The following ZNF106 variants were observed in gnomAD, a reference collection of about 807,000 sequenced individuals.
ZNF106 encodes zinc finger protein 106.
ZNF106 carries 67 observed loss-of-function variants against 195.1 expected under a neutral mutation model. The ratio of observed to expected loss-of-function variants is 0.34; its 90% CI spans 0.28 to 0.42. ZNF106 has a LOEUF of 0.42. Ranked by LOEUF, ZNF106 falls within the 10% of genes least tolerant of loss-of-function variation. The pLI is 1.00. For synonymous variants in ZNF106, 784 were observed against 818.6 expected (o/e 0.96, Z 0.72); for missense variants, 2,118 against 2,304.5 (o/e 0.92, Z 1.66).
chr15:42,417,220 A>G lies in ZNF106; in HGVS notation c.*84T>C. ...CACTTTCTCCTTCCTTACTTCACCA[A>G]GAAAGGGAAGAGAGTGGCCTGTGTG... On this transcript the variant is annotated 3_prime_UTR_variant, in exon 22 of 22. Coordinates refer to ENST00000564754, the MANE Select transcript of ZNF106 (RefSeq NM_001366845.3). 21 of 1,482,714 alleles carry G rather than the reference A, an allele frequency of 1.4e-5. No homozygotes were observed. The highest frequency in any genetic ancestry group is 1.8e-5 in the Non-Finnish European group (19 of 1,066,620). The allele number at this position is 1,482,714 out of a possible 1,614,324, so 91.8% of individuals were successfully genotyped here.
chr15:42,468,571 C>T (rs563858694), intron 2 of ZNF106, among the ~76,000 whole-genome samples: 4 of 150,578 alleles, frequency 2.7e-5, no homozygotes, highest in East Asian at 2.0e-4. Context: ...GGTGATACCC[C>T]GTCTCTACTA....
At chr15:42,426,339 GTCA>G (rs2054855341) in intron 15 of ZNF106, among the ~76,000 whole-genome samples, 5 of 151,094 alleles carry the variant, frequency 3.3e-5, no homozygotes, top group Admixed American at 3.3e-4. Flanking sequence ...TGAATTTCTT[GTCA>G]TCATCTCATC....
chr15:42,473,334 A>G (rs1446859258), intron 1 of ZNF106, among the ~76,000 whole-genome samples: 1 of 152,216 alleles, frequency 6.6e-6, no homozygotes, highest in Non-Finnish European at 1.5e-5. Context: ...TCTCACTCAC[A>G]GAAAACCTAG....
intron 4 of ZNF106, among the ~76,000 whole-genome samples, chr15:42,452,935 C>T (rs60328984): frequency 0.069 from 10,561 of 152,056 alleles, 803 homozygotes; most frequent in Admixed American, 0.16. Flanking sequence ...ATCCACCCAC[C>T]GCGGCCTCCC....
At chr15:42,424,165 T>A in intron 16 of ZNF106, 105 bp from the exon 17 acceptor site, 3 of 929,324 alleles carry the variant, frequency 3.2e-6, no homozygotes, top group Admixed American at 6.0e-5. Flanking sequence ...TATTTTGAGA[T>A]GAGCACGATG....
chr15:42,472,104 A>C (rs1248593921), intron 2 of ZNF106, 132 bp downstream of exon 2: 1 of 866,464 alleles, frequency 1.2e-6, no homozygotes, highest in South Asian at 2.6e-5. Context: ...AAAGAAAAGA[A>C]GCATAAATAA....
chr15:42,423,271 G>C (rs967979728), intron 17 of ZNF106, among the ~76,000 whole-genome samples: 3 of 152,156 alleles, frequency 2.0e-5, no homozygotes, highest in Non-Finnish European at 4.4e-5. Context: ...TTGGGGGGCT[G>C]AGGTGGGAGG....
chr15:42,449,196 C>A (rs951392946), intron 5 of ZNF106, among the ~76,000 whole-genome samples: 2 of 152,120 alleles, frequency 1.3e-5, no homozygotes, highest in African/African-American at 4.8e-5. Flanking sequence ...TTATGACTTT[C>A]AAGTAGCAAA....
At chr15:42,426,639 A>C (rs1182825142) in intron 15 of ZNF106, among the ~76,000 whole-genome samples, 2 of 151,138 alleles carry the variant, frequency 1.3e-5, no homozygotes. Context: ...TCTGGGCTCA[A>C]GCAATCCTCC....
At chr15:42,490,078 A>G (rs573690397) in intron 1 of ZNF106, among the ~76,000 whole-genome samples, 3 of 150,858 alleles carry the variant, frequency 2.0e-5, no homozygotes, top group African/African-American at 4.9e-5. Context: ...AAAATACAAA[A>G]AATTAGCCAG....
At chr15:42,424,653 A>G (rs1319719109) in intron 16 of ZNF106, 181 bp downstream of exon 16, 1 of 585,940 alleles carries the variant, frequency 1.7e-6, no homozygotes, top group East Asian at 3.0e-5. Flanking sequence ...TAATTTTTGT[A>G]TTTTTTTGTA....
chr15:42,479,746 G>T (rs2056861369), intron 1 of ZNF106, among the ~76,000 whole-genome samples: 1 of 152,130 alleles, frequency 6.6e-6, no homozygotes, highest in Non-Finnish European at 1.5e-5. Flanking sequence ...GGAGGCTGAG[G>T]CAGGAGAATC....
intron 10 of ZNF106, 41 bp downstream of exon 10, chr15:42,442,032 C>T (rs1391753061): frequency 8.1e-6 from 12 of 1,488,382 alleles, no homozygotes; most frequent in African/African-American, 1.4e-5. Flanking sequence ...GCCCCAGTCT[C>T]ACTACTGGGA....
At position 42,439,443 on chromosome 15, in the gene ZNF106, G is replaced by C; in HGVS notation, c.4134C>G (p.Leu1378=). The change falls in exon 11 of 22, where the codon CTC becomes CTG. Residue 1378 remains leucine, a synonymous_variant. Coordinates refer to ENST00000564754, the MANE Select transcript of ZNF106 (RefSeq NM_001366845.3). ...ETRGSKKKKK[L]RKKKSLRAAH... ...CAGCCCGTAGACTTTTCTTCTTCCG[G>C]AGTTTCTTCTTTTTCTTGCTTCCCC... 1.2e-6 allele frequency: 2 copies of C among 1,613,342 alleles called. No homozygotes were observed. The highest frequency in any genetic ancestry group is 1.7e-6 in the Non-Finnish European group (2 of 1,179,874).
Position 42,450,495 on chromosome 15 carries a change from C to G in ZNF106, c.1777G>C (p.Glu593Gln). ...TTCAAAGACCCTTTTTCAGATTCTT[C>G]TACATTTCTACTTGCTTTTGCATAG... is the stretch of plus-strand genomic sequence containing the variant. ...RNYAKASRNVEESEKGSLKIE... is the reference protein window; with the variant it reads ...RNYAKASRNVQESEKGSLKIE... The change falls in exon 5 of 22, where the codon GAA (glutamate) becomes CAA (glutamine). Residue 593 changes from glutamate (E) to glutamine (Q), a missense_variant. Transcript: ENST00000564754. 6.2e-7 allele frequency: 1 copy of G among 1,613,910 alleles called. No homozygotes were observed. Among genetic ancestry groups the G allele is most frequent in the Non-Finnish European group, 8.5e-7 (1 of 1,179,978 alleles).
intron 1 of ZNF106, among the ~76,000 whole-genome samples, chr15:42,484,294 A>G (rs1257979176): frequency 6.6e-6 from 1 of 152,222 alleles, no homozygotes. Flanking sequence ...TCAAATATCA[A>G]TTAATGTGCT....
At chr15:42,445,135 A>G (rs1265856313) in intron 7 of ZNF106, among the ~76,000 whole-genome samples, 154 bp from the exon 8 acceptor site, 1 of 152,234 alleles carries the variant, frequency 6.6e-6, no homozygotes, top group Non-Finnish European at 1.5e-5. Flanking sequence ...GTCAAGCACA[A>G]TGATATCAAA....
In ZNF106 at chr15:42,415,506, C is replaced by T. The variant is rs1437409250; in HGVS notation, c.*1798G>A. 1.8e-5 allele frequency: 8 copies of T among 455,280 alleles called. No individual in the cohort carries two copies. The highest frequency in any genetic ancestry group is 3.5e-5 in the Non-Finnish European group (8 of 226,616). The allele number at this position is 455,280 out of a possible 1,614,324, so 28.2% of individuals were successfully genotyped here. On this transcript the variant is annotated 3_prime_UTR_variant, in exon 22 of 22. Transcript: ENST00000564754. The stretch of plus-strand genomic sequence containing the variant: ...AAAAAAGAACACATACTCAGTCTCA[C>T]ACACAATTTCTGGGGGCTCACAGAC...
At chr15:42,482,522 G>GGTTT (rs1341353888) in intron 1 of ZNF106, among the ~76,000 whole-genome samples, 1 of 82,552 alleles carries the variant, frequency 1.2e-5, no homozygotes, top group Non-Finnish European at 2.2e-5. Flanking sequence ...GAAATCTCCA[G>GGTTT]TTTTTTTTTT....
Sources: allele counts gnomAD v4.1 joint callset (sites outside exome capture counted in the v4.1 genomes callset), GRCh38; gene constraint gnomAD v4.1.1; transcripts MANE v1.5; gene names NCBI Gene and HGNC (gene_info 2026-07-23, HGNC 2026-07-21).